The following BRCA2 variants were observed in gnomAD, a reference collection of about 807,000 sequenced individuals.
BRCA2 encodes the protein BRCA2 DNA repair associated, also known as breast cancer type 2 susceptibility protein.
A neutral mutation model predicts 276.7 loss-of-function variants in BRCA2; 203 were observed. The ratio of observed to expected loss-of-function variants is 0.73; its 90% CI spans 0.65 to 0.82. BRCA2 has a LOEUF of 0.82. BRCA2 is among the 40% of genes least tolerant of loss of function. The probability of loss-of-function intolerance (pLI) is 0.00; values close to 1 mark genes in which losing one functional copy is unlikely to be tolerated. For synonymous variants in BRCA2, 1,289 were observed against 1,338.4 expected (o/e 0.96, Z 0.81); for missense variants, 3,920 against 3,915.0 (o/e 1.00, Z -0.03).
intron 24 of BRCA2, chr13:32,384,597 G>C: frequency 5.4e-6 from 1 of 185,274 alleles, no homozygotes; most frequent in Admixed American, 5.2e-5. Context: ...AAAGTGAGGA[G>C]GCCTAGATGT....
intron 16 of BRCA2, among the ~76,000 whole-genome samples, chr13:32,359,227 A>G (rs2072722645): frequency 6.7e-6 from 1 of 149,988 alleles, no homozygotes; most frequent in Non-Finnish European, 1.5e-5. Flanking sequence ...CTCAAGAAAA[A>G]AAAAAAAAAA....
rs1566245847 is a variant in BRCA2, at chr13:32,363,491, T to A, written c.8289T>A (p.Asp2763Glu). ...GAGCAGAACTGGTGGGCTCTCCTGA[T>A]GCCTGTACACCTCTTGAAGCCCCAG... ...LHGAELVGSP[D>E]ACTPLEAPES... Residue 2763 changes from aspartate (D) to glutamate (E), a missense_variant, in exon 18 of 27, where the codon GAT (aspartate) becomes GAA (glutamate). Coordinates refer to ENST00000380152, the MANE Select transcript of BRCA2 (RefSeq NM_000059.4). The A allele has an allele frequency of 6.2e-7, 1 of 1,614,142 alleles. No homozygotes were observed. Among genetic ancestry groups the A allele is most frequent in the Non-Finnish European group, 8.5e-7 (1 of 1,180,014 alleles).
chr13:32,350,626 G>A (rs368728028), intron 13 of BRCA2, among the ~76,000 whole-genome samples: 7 of 152,122 alleles, frequency 4.6e-5, no homozygotes, highest in African/African-American at 1.2e-4. Context: ...AGTGGTGGGC[G>A]CCTGTAGTCC....
In BRCA2 at chr13:32,397,030, G is replaced by A. The variant is rs55775473; in HGVS notation, c.9634G>A (p.Gly3212Arg). The stretch of plus-strand genomic sequence containing the variant: ...CACTGCTCAAATCATTCCTGGTACA[G>A]GAAACAAGCTTCTGGTAAGTTAATG... ...PYTAQIIPGT[G>R]NKLLMSSPNC... Residue 3212 changes from glycine (G) to arginine (R), a missense_variant, in exon 26 of 27, where the codon GGA becomes AGA. Gly to Arg is a moderately radical substitution (Grantham distance 125, BLOSUM62 -2). Around this residue, in one of 2 missense-constraint regions of BRCA2, gnomAD observed 657 missense variants for 758.2 expected, o/e 0.87. Coordinates refer to ENST00000380152, the MANE Select transcript of BRCA2 (RefSeq NM_000059.4). 1.2e-6 allele frequency: 2 copies of A among 1,614,012 alleles called. No homozygotes were observed. The highest frequency in any genetic ancestry group is 2.2e-5 in the South Asian group (2 of 91,080).
At chr13:32,316,246 C>G (rs945649673) in intron 1 of BRCA2, among the ~76,000 whole-genome samples, 176 bp from the exon 2 acceptor site, 1 of 152,140 alleles carries the variant, frequency 6.6e-6, no homozygotes. Context: ...CTAGTGGCAC[C>G]GGTTTGGACA....
chr13:32,353,242 A>G (rs1034935686), intron 13 of BRCA2, among the ~76,000 whole-genome samples: 1 of 152,058 alleles, frequency 6.6e-6, no homozygotes, highest in Non-Finnish European at 1.5e-5. Flanking sequence ...TTAAAGCCCA[A>G]CTCATTAGAA....
intron 26 of BRCA2, 114 bp from the exon 27 acceptor site, chr13:32,398,048 G>A: frequency 8.9e-7 from 1 of 1,120,882 alleles, no homozygotes; most frequent in Non-Finnish European, 1.3e-6. Context: ...GTTAGGGGAG[G>A]GAGACTGTGT....
intron 24 of BRCA2, among the ~76,000 whole-genome samples, chr13:32,388,374 AT>A (rs948472051): frequency 6.6e-6 from 1 of 152,068 alleles, no homozygotes; most frequent in African/African-American, 2.4e-5. Context: ...TTGCCTCAGC[AT>A]CACAAAGTGC....
At chr13:32,376,863 G>A (rs1842026884) in intron 21 of BRCA2, 72 bp downstream of exon 21, 5 of 1,578,592 alleles carry the variant, frequency 3.2e-6, no homozygotes, top group Non-Finnish European at 2.6e-6. Flanking sequence ...AGACTCTCTG[G>A]CCATCACAGG....
chr13:32,322,227 A>G (rs993310949), intron 3 of BRCA2, among the ~76,000 whole-genome samples: 3 of 152,166 alleles, frequency 2.0e-5, no homozygotes, highest in African/African-American at 4.8e-5. Flanking sequence ...AATGTCATGT[A>G]GTTGGAATCA....
intron 18 of BRCA2, among the ~76,000 whole-genome samples, chr13:32,368,001 C>CTTTTTTT (rs71071031): frequency 9.8e-5 from 5 of 50,768 alleles, no homozygotes; most frequent in Non-Finnish European, 1.4e-4. Context: ...TCTTCTAATT[C>CTTTTTTT]TTTTTTTTTT....
chr13:32,346,221 AATAC>A (rs1405546988), intron 12 of BRCA2, among the ~76,000 whole-genome samples: 1 of 151,964 alleles, frequency 6.6e-6, no homozygotes, highest in Non-Finnish European at 1.5e-5. Context: ...AAAATAAGCA[AATAC>A]ATGTATATAC....
chr13:32,380,682 A>C (rs1247925180), intron 24 of BRCA2, among the ~76,000 whole-genome samples: 2 of 151,974 alleles, frequency 1.3e-5, no homozygotes, highest in Admixed American at 6.6e-5. Flanking sequence ...CTGGGACTAC[A>C]TATACCCGCC....
At chr13:32,354,358 A>T (rs1205102826) in intron 13 of BRCA2, among the ~76,000 whole-genome samples, 1 of 152,176 alleles carries the variant, frequency 6.6e-6, no homozygotes, top group South Asian at 2.1e-4. Flanking sequence ...GGCAGAGATA[A>T]AGGTGAGTGA....
At chr13:32,371,484 T>A (rs1407034369) in intron 20 of BRCA2, among the ~76,000 whole-genome samples, 1 of 152,116 alleles carries the variant, frequency 6.6e-6, no homozygotes, top group Admixed American at 6.5e-5. Context: ...CGTATCTCCC[T>A]TTTGTTGTTG....
At chr13:32,373,431 A>G (rs1328007898) in intron 20 of BRCA2, among the ~76,000 whole-genome samples, 2 of 151,926 alleles carry the variant, frequency 1.3e-5, no homozygotes, top group Admixed American at 6.6e-5. Flanking sequence ...GCTTGAATCC[A>G]GGAGGCAGAG....
rs571663422 is a variant in BRCA2 at position 32,357,196 on chromosome 13, G to A, written c.7618-546G>A. 4.6e-5 allele frequency among the ~76,000 whole-genome samples: 7 copies of A among 152,290 alleles called. No individual in the cohort carries two copies. The South Asian group carries it at 1.5e-3, about 32-fold the overall frequency. On this transcript the variant is annotated intron_variant, in intron 15 of 26. Coordinates refer to ENST00000380152, the MANE Select transcript of BRCA2 (RefSeq NM_000059.4). ...AAATGAGAGAACTGAAGCATAGAGA[G>A]GGTTAAGTAACTGCCCCAAAGTCAC...
Position 32,397,028 on chromosome 13 carries a change from C to T in BRCA2, c.9632C>T (p.Thr3211Ile), listed in dbSNP as rs730881583. The T allele has an allele frequency of 3.7e-6, 6 of 1,613,970 alleles. No homozygotes were observed. The South Asian group carries it at 5.5e-5, about 15-fold the overall frequency. ...TACACTGCTCAAATCATTCCTGGTA[C>T]AGGAAACAAGCTTCTGGTAAGTTAA... ...GPYTAQIIPGTGNKLLMSSPN... is the reference protein window; with the variant it reads ...GPYTAQIIPGIGNKLLMSSPN... Residue 3211 changes from threonine to isoleucine, a missense_variant, in exon 26 of 27, where the codon ACA becomes ATA. Thr to Ile is a moderately conservative substitution (Grantham distance 89). Transcript: ENST00000380152.
rs757086356 is a variant in BRCA2, at chr13:32,332,614, G to A, written c.1136G>A (p.Gly379Glu). Reference protein sequence around the residue: ...NVANQKPFESGSDKISKEVVP... With the variant: ...NVANQKPFESESDKISKEVVP... ...GCAAATCAGAAGCCCTTTGAGAGTG[G>A]AAGTGACAAAATCTCCAAGGAAGTT... Residue 379 changes from glycine to glutamate, a missense_variant, in exon 10 of 27, where the codon GGA becomes GAA. Coordinates refer to ENST00000380152, the MANE Select transcript of BRCA2 (RefSeq NM_000059.4). 6.2e-7 allele frequency: 1 copy of A among 1,614,062 alleles called. No individual in the cohort carries two copies. Among genetic ancestry groups the A allele is most frequent in the Non-Finnish European group, 8.5e-7 (1 of 1,179,962 alleles).
Sources: allele counts gnomAD v4.1 joint callset (sites outside exome capture counted in the v4.1 genomes callset), GRCh38; gene constraint gnomAD v4.1.1; regional missense constraint gnomAD v4.1.1; transcripts MANE v1.5; gene names NCBI Gene and HGNC (gene_info 2026-07-23, HGNC 2026-07-21).